Variants in ERCC6L2 observed in about 807,000 individuals in gnomAD.
ERCC6L2 encodes ERCC excision repair 6 like 2, also known as DNA excision repair protein ERCC-6-like 2.
ERCC6L2 carries 77 observed loss-of-function variants against 132.0 expected under a neutral mutation model. That is an observed-to-expected ratio of 0.58 (90% CI 0.49 to 0.71). ERCC6L2 has a LOEUF of 0.71. ERCC6L2 is among the 30% of genes least tolerant of loss of function. The probability of loss-of-function intolerance (pLI) is 0.00; values close to 1 mark genes in which losing one functional copy is unlikely to be tolerated. For missense variants in ERCC6L2, 1,542 were observed against 1,837.6 expected (o/e 0.84, Z 2.94); for synonymous variants, 583 against 632.4 (o/e 0.92, Z 1.17).
intron 11 of ERCC6L2, among the ~76,000 whole-genome samples, chr9:95,930,827 G>A (rs1416163361): frequency 6.6e-6 from 1 of 152,038 alleles, no homozygotes; most frequent in African/African-American, 2.4e-5. Flanking sequence ...CTAAGTCTTT[G>A]TAATGTGTGG....
intron 13 of ERCC6L2, among the ~76,000 whole-genome samples, chr9:95,958,368 C>T (rs1306632652): frequency 6.6e-6 from 1 of 152,060 alleles, no homozygotes; most frequent in Admixed American, 6.6e-5. Flanking sequence ...TGGGTATATA[C>T]CCAGTAATGG....
intron 12 of ERCC6L2, among the ~76,000 whole-genome samples, chr9:95,950,152 G>A (rs1051505658): frequency 7.9e-5 from 12 of 152,068 alleles, no homozygotes; most frequent in East Asian, 1.9e-4. Context: ...TACCAGTATC[G>A]TAATTTTGGC....
chr9:95,974,164 TTC>T (rs1238499068), intron 16 of ERCC6L2, among the ~76,000 whole-genome samples: 1 of 152,214 alleles, frequency 6.6e-6, no homozygotes, highest in African/African-American at 2.4e-5. Flanking sequence ...GCAAAATATT[TTC>T]TCTTTCTTTC....
Position 95,875,852 on chromosome 9 carries a change from C to T in ERCC6L2, c.-187C>T, listed in dbSNP as rs191249511. 1,044 of 615,778 alleles carry T rather than the reference C, an allele frequency of 1.7e-3. No individual in the cohort carries two copies. Among genetic ancestry groups the T allele is most frequent in the Non-Finnish European group, 2.5e-3 (884 of 347,344 alleles). The allele number at this position is 615,778 out of a possible 1,614,324, so 38.1% of individuals were successfully genotyped here. A position where few individuals can be genotyped will look rare whatever the true frequency, so the allele number is the denominator to read the frequency against. On this transcript the variant is annotated 5_prime_UTR_variant, in exon 1 of 19. Coordinates refer to ENST00000653738, the MANE Select transcript of ERCC6L2 (RefSeq NM_020207.7). ...TCGCCCTCCCGTTCTGCTTGGGTCC[C>T]CTTAGTCGCTACCTTTGCTGGGATC...
In ERCC6L2 at chr9:95,941,525, C is replaced by T; in HGVS notation, c.1823C>T (p.Ala608Val). ...VVLFDPTWNP[A>V]NDLQAIDRAY... ...TTATTTGATCCTACTTGGAATCCAG[C>T]CAATGATCTTCAAGCCATTGACAGG... The change falls in exon 12 of 19, where the codon GCC becomes GTC. Residue 608 changes from alanine (A) to valine (V), a missense_variant. Coordinates refer to ENST00000653738, the MANE Select transcript of ERCC6L2 (RefSeq NM_020207.7). 6.2e-7 allele frequency: 1 copy of T among 1,612,544 alleles called. No individual in the cohort carries two copies.
At chr9:96,021,462 G>C (rs1199393871), downstream of ERCC6L2, 1 of 202,482 alleles carries the variant, frequency 4.9e-6, no homozygotes, top group Non-Finnish European at 1.0e-5. The surrounding 1 kb of genome is among the most constrained non-coding windows in gnomAD (Gnocchi z 4.7). Flanking sequence ...AGCCCTCTGC[G>C]GGGTCCGCCC....
At position 96,012,450 on chromosome 9, in the gene ERCC6L2, A is replaced by G; in HGVS notation, c.3900A>G (p.Arg1300=). The part of the protein sequence containing the change: ...EQRTRKKSDK[R]ESLIKPRLSD... Reference sequence around the variant, plus strand: ...GCACCCGGAAGAAATCTGATAAAAGAGAATCTCTTATAAAACCAAGGCTGT... The same window carrying G: ...GCACCCGGAAGAAATCTGATAAAAGGGAATCTCTTATAAAACCAAGGCTGT... Residue 1300 remains arginine (R), a synonymous_variant, in exon 19 of 19, where the codon AGA becomes AGG. Transcript: ENST00000653738. 7.3e-7 allele frequency: 1 copy of G among 1,366,506 alleles called. No homozygotes were observed. The highest frequency in any genetic ancestry group is 1.1e-5 in the South Asian group (1 of 87,788). 84.6% of individuals were successfully genotyped at this position (1,366,506 alleles called of 1,614,324 possible). A position where few individuals can be genotyped will look rare whatever the true frequency, so the allele number is the denominator to read the frequency against.
At chr9:95,999,715 A>G (rs1448335929) in intron 17 of ERCC6L2, among the ~76,000 whole-genome samples, 2 of 151,736 alleles carry the variant, frequency 1.3e-5, no homozygotes, top group African/African-American at 4.8e-5. Flanking sequence ...GTAATAAGCA[A>G]TACCATCTCA....
chr9:95,990,449 G>A (rs944459937), intron 17 of ERCC6L2, among the ~76,000 whole-genome samples: 3 of 152,202 alleles, frequency 2.0e-5, no homozygotes, highest in African/African-American at 7.2e-5. Context: ...CTTTTCACTT[G>A]TTGACATTTA....
Position 95,883,725 on chromosome 9 carries a change from G to A in ERCC6L2, c.471+2432G>A, listed in dbSNP as rs368433811. 2.6e-4 allele frequency among the ~76,000 whole-genome samples: 40 copies of A among 152,302 alleles called. 1 individual carries two copies. The Middle Eastern group carries it at 0.014, about 52-fold the overall frequency. Reference sequence around the variant, plus strand: ...ATACAAAAATTAGCTGGGCATGGTGGCCCACGCCTGTAGTCCCAGCTACTT... The same window carrying A: ...ATACAAAAATTAGCTGGGCATGGTGACCCACGCCTGTAGTCCCAGCTACTT... On this transcript the variant is annotated intron_variant, in intron 2 of 18. Coordinates refer to ENST00000653738, the MANE Select transcript of ERCC6L2 (RefSeq NM_020207.7).
chr9:95,931,774 T>A (rs1830349922), intron 11 of ERCC6L2, among the ~76,000 whole-genome samples: 1 of 151,496 alleles, frequency 6.6e-6, no homozygotes, highest in Admixed American at 6.6e-5. Flanking sequence ...CGGTGATATT[T>A]GAGTCTTGGT....
chr9:95,974,351 G>A (rs1832568862), intron 16 of ERCC6L2, among the ~76,000 whole-genome samples: 1 of 152,112 alleles, frequency 6.6e-6, no homozygotes, highest in Non-Finnish European at 1.5e-5. Flanking sequence ...CCATAAGGAT[G>A]ACCCATTCTT....
intron 11 of ERCC6L2, among the ~76,000 whole-genome samples, chr9:95,936,838 A>C (rs1254799127): frequency 2.6e-5 from 4 of 152,194 alleles, no homozygotes; most frequent in Non-Finnish European, 5.9e-5. Context: ...GTAATTTAGA[A>C]CAACATAATC....
In ERCC6L2 at chr9:95,916,431, C is replaced by A; in HGVS notation, c.1155C>A (p.Asp385Glu). 1 of 1,556,344 alleles carries A rather than the reference C, an allele frequency of 6.4e-7. No individual in the cohort carries two copies. Among genetic ancestry groups the A allele is most frequent in the Non-Finnish European group, 8.6e-7 (1 of 1,158,452 alleles). Reference sequence around the variant, plus strand: ...AGGATCAGTTGCCTAAGAAGGAAGACCGGGTAAGAACCGCATTTGTATATA... The same window carrying A: ...AGGATCAGTTGCCTAAGAAGGAAGAACGGGTAAGAACCGCATTTGTATATA... Reference protein sequence around the residue: ...LIKDQLPKKEDRMVYCSLTDF... With the variant: ...LIKDQLPKKEERMVYCSLTDF... Residue 385 changes from aspartate to glutamate, a missense_variant, in exon 6 of 19, where the codon GAC becomes GAA. Physicochemically the swap from Asp to Glu is conservative, Grantham distance 45. This residue lies in a region of ERCC6L2 where 945 missense variants were observed against 1,105.2 expected (regional missense o/e 0.86). Transcript: ENST00000653738.
intron 9 of ERCC6L2, 117 bp from the exon 10 acceptor site, chr9:95,927,961 TG>T (rs1342357701): frequency 1.6e-6 from 1 of 608,248 alleles, no homozygotes; most frequent in Non-Finnish European, 2.8e-6. Context: ...TTAGAAAAAA[TG>T]AATGAGGTTA....
intron 12 of ERCC6L2, among the ~76,000 whole-genome samples, chr9:95,949,533 A>G (rs1396399822): frequency 6.6e-6 from 1 of 152,200 alleles, no homozygotes; most frequent in Admixed American, 6.5e-5. Flanking sequence ...TCCAGAAGGC[A>G]GTGGGATAAT....
intron 12 of ERCC6L2, among the ~76,000 whole-genome samples, chr9:95,948,560 C>A (rs1039298785): frequency 2.6e-5 from 4 of 151,938 alleles, no homozygotes; most frequent in Non-Finnish European, 4.4e-5. Flanking sequence ...GGCTGAGAAT[C>A]GTTTGAACCC....
intron 13 of ERCC6L2, among the ~76,000 whole-genome samples, chr9:95,964,137 A>G (rs966489734): frequency 9.2e-5 from 14 of 152,056 alleles, no homozygotes; most frequent in African/African-American, 3.1e-4. Context: ...TGATTTTTCT[A>G]TTTCCATTAT....
intron 3 of ERCC6L2, among the ~76,000 whole-genome samples, chr9:95,904,456 A>G (rs542429582): frequency 2.0e-5 from 3 of 152,270 alleles, no homozygotes; most frequent in Admixed American, 2.0e-4. Flanking sequence ...TTTTTGATTG[A>G]AGGTGCTAAC....
Sources: allele counts gnomAD v4.1 joint callset (sites outside exome capture counted in the v4.1 genomes callset), GRCh38; gene constraint gnomAD v4.1.1; regional missense constraint gnomAD v4.1.1; non-coding constraint Gnocchi (gnomAD v3.1); transcripts MANE v1.5; gene names NCBI Gene and HGNC (gene_info 2026-07-23, HGNC 2026-07-21).